TLN2: variants seen among roughly 807,000 people sequenced by gnomAD.
TLN2 encodes the protein talin 2.
In TLN2, 118 loss-of-function variants were observed where a neutral mutation model predicts 294.7. The ratio of observed to expected loss-of-function variants is 0.40; its 90% CI spans 0.34 to 0.47. The LOEUF (loss-of-function observed/expected upper bound fraction) is 0.47. TLN2 is among the 20% of genes least tolerant of loss of function. The pLI is 0.84. For missense variants in TLN2, 3,083 were observed against 3,282.2 expected (o/e 0.94, Z 1.48); for synonymous variants, 1,431 against 1,304.5 (o/e 1.10, Z -2.09).
At chr15:62,466,534 G>A (rs2037146268) in intron 1 of TLN2, among the ~76,000 whole-genome samples, 1 of 152,234 alleles carries the variant, frequency 6.6e-6, no homozygotes, top group African/African-American at 2.4e-5. Context: ...TCCCTGTGGG[G>A]TGAAATTGCT....
chr15:62,467,339 G>C (rs981642982), intron 1 of TLN2, among the ~76,000 whole-genome samples: 2 of 152,206 alleles, frequency 1.3e-5, no homozygotes, highest in African/African-American at 4.8e-5. Flanking sequence ...TGAAACCACA[G>C]GATAAACCTA....
intron 1 of TLN2, among the ~76,000 whole-genome samples, chr15:62,419,759 C>T (rs1237824614): frequency 6.6e-6 from 1 of 152,074 alleles, no homozygotes; most frequent in African/African-American, 2.4e-5. Context: ...GCGTCATCCT[C>T]CTAAGCAGCT....
chr15:62,731,715 A>G (rs939653157), intron 28 of TLN2, among the ~76,000 whole-genome samples: 2 of 152,210 alleles, frequency 1.3e-5, no homozygotes, highest in Non-Finnish European at 2.9e-5. Flanking sequence ...AAGCAATCCT[A>G]AACATTGGAC....
chr15:62,537,907 T>G (rs1304109568), intron 1 of TLN2, among the ~76,000 whole-genome samples: 1 of 152,134 alleles, frequency 6.6e-6, no homozygotes, highest in Non-Finnish European at 1.5e-5. Flanking sequence ...GCCACAGTGC[T>G]CCACCTCCCA....
At chr15:62,401,070 C>A (rs2032987180) in intron 1 of TLN2, among the ~76,000 whole-genome samples, 1 of 152,096 alleles carries the variant, frequency 6.6e-6, no homozygotes, top group African/African-American at 2.4e-5. Flanking sequence ...CCTTCCTCGG[C>A]CTTCCAAAGG....
chr15:62,713,364 A>G (rs1478809065), intron 22 of TLN2, among the ~76,000 whole-genome samples: 11 of 151,600 alleles, frequency 7.3e-5, no homozygotes, highest in Non-Finnish European at 1.5e-4. Context: ...TCTCAACCTA[A>G]TATGTGTGTT....
intron 1 of TLN2, among the ~76,000 whole-genome samples, chr15:62,524,540 G>A (rs973551640): frequency 6.6e-6 from 1 of 152,154 alleles, no homozygotes. Context: ...CCTTGGATAG[G>A]ACTTCAGATC....
chr15:62,740,802 G>T (rs752466696), intron 32 of TLN2, 33 bp downstream of exon 32: 1 of 1,612,542 alleles, frequency 6.2e-7, no homozygotes, highest in Non-Finnish European at 8.5e-7. Flanking sequence ...TTTCGTGTGT[G>T]GTTAGACAGT....
rs1312782639 is a variant in TLN2 at position 62,716,348 on chromosome 15, A to G, written c.2652A>G (p.Pro884=). 5 of 1,606,716 alleles carry G rather than the reference A, an allele frequency of 3.1e-6. No homozygotes were observed. The highest frequency in any genetic ancestry group is 4.2e-6 in the Non-Finnish European group (5 of 1,177,264). The change falls in exon 23 of 59, where the codon CCA becomes CCG. Residue 884 remains proline, a synonymous_variant. Transcript: ENST00000636159. ...CTTTGCAGGGGGCTGCAGCCAACCC[A>G]GAGAATGAGGACCAGCAGCAAAGGC... is the stretch of plus-strand genomic sequence containing the variant. ...VEAAKGAAAN[P]ENEDQQQRLR...
chr15:62,800,354 G>T lies in TLN2; in HGVS notation c.6235-14G>T, dbSNP rs567913997. 62 of 1,612,416 alleles carry T rather than the reference G, an allele frequency of 3.8e-5. No homozygotes were observed. Among genetic ancestry groups the T allele is most frequent in the Admixed American group, 1.8e-4 (11 of 59,870 alleles). On this transcript the variant is annotated splice_polypyrimidine_tract_variant and intron_variant, in intron 48 of 58. Coordinates refer to ENST00000636159, the MANE Select transcript of TLN2 (RefSeq NM_015059.3). Reference sequence around the variant, plus strand: ...CTTGACGCCTGCTCACCTGAGTTCTGTGCTCTCTTTCAGGTGGTTTTGATC... The same window carrying T: ...CTTGACGCCTGCTCACCTGAGTTCTTTGCTCTCTTTCAGGTGGTTTTGATC...
intron 43 of TLN2, among the ~76,000 whole-genome samples, chr15:62,778,446 G>T (rs532279970): frequency 6.6e-6 from 1 of 152,310 alleles, no homozygotes; most frequent in East Asian, 1.9e-4. Context: ...AGGTTTCTTG[G>T]TGCAAATTAG....
rs201477913 is a variant in TLN2 at position 62,686,834 on chromosome 15, G to A, written c.1113+38G>A. On this transcript the variant is annotated intron_variant, in intron 12 of 58. Coordinates refer to ENST00000636159, the MANE Select transcript of TLN2 (RefSeq NM_015059.3). ...AGAGGGCAAGGAGAGCACTAGCGTG[G>A]CCTTGAGTGATATTGTGGGGACAGG... 573 of 1,607,152 alleles carry A rather than the reference G, an allele frequency of 3.6e-4. 1 individual carries two copies. In the East Asian group the frequency reaches 5.3e-3, roughly 15 times the overall value.
chr15:62,605,369 A>T (rs2047345509), intron 2 of TLN2, among the ~76,000 whole-genome samples: 1 of 152,242 alleles, frequency 6.6e-6, no homozygotes, highest in South Asian at 2.1e-4. Context: ...AACTAGTAAA[A>T]GCGATGAGCT....
intron 32 of TLN2, among the ~76,000 whole-genome samples, 198 bp downstream of exon 32, chr15:62,740,967 A>G (rs1472915400): frequency 1.3e-5 from 2 of 152,288 alleles, no homozygotes; most frequent in East Asian, 3.9e-4. Context: ...CCCCACTAAA[A>G]ATATCTTCTG....
At chr15:62,472,910 G>T (rs1034587680) in intron 1 of TLN2, among the ~76,000 whole-genome samples, 1 of 152,228 alleles carries the variant, frequency 6.6e-6, no homozygotes, top group Non-Finnish European at 1.5e-5. Flanking sequence ...GCTGAGGAAG[G>T]GGGTGGCCCA....
chr15:62,427,617 C>T (rs1347504414), intron 1 of TLN2, among the ~76,000 whole-genome samples: 5 of 152,120 alleles, frequency 3.3e-5, no homozygotes, highest in Non-Finnish European at 7.4e-5. Context: ...CCTTCCGCAG[C>T]AGCATCCCTT....
Position 62,737,026 on chromosome 15 carries a change from A to G in TLN2, c.3507A>G (p.Gln1169=). 1 of 1,614,226 alleles carries G rather than the reference A, an allele frequency of 6.2e-7. No individual in the cohort carries two copies. Among genetic ancestry groups the G allele is most frequent in the Non-Finnish European group, 8.5e-7 (1 of 1,180,048 alleles). Residue 1169 remains glutamine (Q), a synonymous_variant, in exon 29 of 59, where the codon CAA becomes CAG. Transcript: ENST00000636159. ...TGGAGGGCTCCGCCATGCTCATTCAAGAGGCCAAGCAGGCCCTGATTGCAC... is the reference window on the plus strand; with the variant it reads ...TGGAGGGCTCCGCCATGCTCATTCAGGAGGCCAAGCAGGCCCTGATTGCAC... ...DVMEGSAMLI[Q]EAKQALIAPG... is the part of the protein sequence containing the mutation.
At chr15:62,756,384 A>T (rs1211444221) in intron 37 of TLN2, among the ~76,000 whole-genome samples, 1 of 152,192 alleles carries the variant, frequency 6.6e-6, no homozygotes, top group Non-Finnish European at 1.5e-5. Flanking sequence ...CCACAAACAC[A>T]GTCTGCCCTC....
At chr15:62,454,371 C>T (rs1185882171) in intron 1 of TLN2, among the ~76,000 whole-genome samples, 1 of 152,158 alleles carries the variant, frequency 6.6e-6, no homozygotes, top group African/African-American at 2.4e-5. Flanking sequence ...CAGGCCCTGA[C>T]ATTTTAATGC....
Sources: gnomAD v4.1 joint callset for allele counts (sites outside exome capture counted in the v4.1 genomes callset) on GRCh38, gnomAD v4.1.1 for gene constraint, MANE v1.5 for transcripts, NCBI Gene and HGNC (gene_info 2026-07-23, HGNC 2026-07-21) for gene names.